PHAF1: variants seen among roughly 807,000 people sequenced by gnomAD.
The protein encoded by PHAF1 is phagosome assembly factor 1.
Under a neutral mutation model 63.1 loss-of-function variants are expected in PHAF1, and 23 were observed. The observed-to-expected ratio is 0.36, with a 90% CI of 0.26 to 0.52. The LOEUF (loss-of-function observed/expected upper bound fraction) is 0.52, where lower values mean the gene tolerates loss of function less well. PHAF1 is among the 20% of genes least tolerant of loss of function. PHAF1 has a pLI of 0.93. For missense variants in PHAF1, 427 were observed against 517.2 expected (o/e 0.83, Z 1.69); for synonymous variants, 167 against 185.0 (o/e 0.90, Z 0.79).
rs1468534638 is a variant in PHAF1 at position 67,120,013 on chromosome 16, A to G, written c.65-99A>G. On this transcript the variant is annotated intron_variant, in intron 1 of 15. Coordinates refer to ENST00000219139, the MANE Select transcript of PHAF1 (RefSeq NM_025187.5). Reference sequence around the variant, plus strand: ...CTGTAGACCTTAGTAGCCCCCAAACATCCCCAGGCTTTACTGCAGGGACCA... The same window carrying G: ...CTGTAGACCTTAGTAGCCCCCAAACGTCCCCAGGCTTTACTGCAGGGACCA... 1.8e-5 allele frequency: 17 copies of G among 947,068 alleles called. No homozygotes were observed. The East Asian group carries it at 3.6e-4, about 20-fold the overall frequency. The allele number at this position is 947,068 out of a possible 1,614,324, so 58.7% of individuals were successfully genotyped here. A position where few individuals can be genotyped will look rare whatever the true frequency, so the allele number is the denominator to read the frequency against.
chr16:67,130,916 G>A (rs1018596146), intron 3 of PHAF1, among the ~76,000 whole-genome samples: 3 of 152,150 alleles, frequency 2.0e-5, no homozygotes, highest in African/African-American at 7.2e-5. Context: ...GGGGACACTG[G>A]CTATGGTTAT....
At chr16:67,130,346 C>CTTTTT (rs34430310) in intron 3 of PHAF1, among the ~76,000 whole-genome samples, 4 of 74,986 alleles carry the variant, frequency 5.3e-5, no homozygotes, top group East Asian at 4.2e-4. Context: ...CGTGCCCGGC[C>CTTTTT]TTTTTTTTTT....
chr16:67,143,419 TCTCAA>T (rs1963879814), intron 10 of PHAF1, among the ~76,000 whole-genome samples: 1 of 152,080 alleles, frequency 6.6e-6, no homozygotes. Flanking sequence ...GCACCTGTAT[TCTCAA>T]CTCAAGGAAT....
intron 2 of PHAF1, among the ~76,000 whole-genome samples, chr16:67,120,399 G>A (rs1012442757): frequency 1.3e-5 from 2 of 152,020 alleles, no homozygotes; most frequent in East Asian, 1.9e-4. Flanking sequence ...TTGGAAGAGC[G>A]GTAGTAATTG....
At chr16:67,112,371 T>A (rs1411804132) in intron 1 of PHAF1, among the ~76,000 whole-genome samples, 1 of 130,566 alleles carries the variant, frequency 7.7e-6, no homozygotes, top group Non-Finnish European at 1.6e-5. Context: ...TAGTGAGACC[T>A]CGTTTCTACC....
At chr16:67,145,503 G>A (rs1597219674) in intron 13 of PHAF1, 67 bp from the exon 14 acceptor site, 1 of 1,611,584 alleles carries the variant, frequency 6.2e-7, no homozygotes, top group Non-Finnish European at 8.5e-7. Context: ...TGTCCTCTAG[G>A]CCAGCCATTG....
chr16:67,129,583 C>G (rs1312003774), intron 3 of PHAF1, among the ~76,000 whole-genome samples: 1 of 152,230 alleles, frequency 6.6e-6, no homozygotes, highest in Non-Finnish European at 1.5e-5. Flanking sequence ...GCCCCACAGC[C>G]TCTTCCACAA....
At chr16:67,119,502 G>C (rs991090356) in intron 1 of PHAF1, among the ~76,000 whole-genome samples, 7 of 151,336 alleles carry the variant, frequency 4.6e-5, no homozygotes, top group African/African-American at 1.5e-4. Flanking sequence ...ATGTAAAAAG[G>C]GTCCATGCAT....
chr16:67,141,912 C>T (rs1031073531), intron 10 of PHAF1, among the ~76,000 whole-genome samples: 3 of 152,180 alleles, frequency 2.0e-5, no homozygotes, highest in Admixed American at 6.5e-5. Context: ...ATGTGGAAAG[C>T]GGGGCAGGGC....
rs750344340 is a variant in PHAF1, at chr16:67,145,432, C to A, written c.1050+13C>A. On this transcript the variant is annotated intron_variant, in intron 13 of 15. Coordinates refer to ENST00000219139, the MANE Select transcript of PHAF1 (RefSeq NM_025187.5). Reference sequence around the variant, plus strand: ...GACCTACAGCAAGGTGAGCACCTATCTTCCTACCTGGCATAGCCTGAGAAT... The same window carrying A: ...GACCTACAGCAAGGTGAGCACCTATATTCCTACCTGGCATAGCCTGAGAAT... The A allele has an allele frequency of 1.2e-6, 2 of 1,614,190 alleles. No homozygotes were observed. The highest frequency in any genetic ancestry group is 2.2e-5 in the East Asian group (1 of 44,878).
rs1186830541 is a variant in PHAF1, at chr16:67,110,185, C to A, written c.10C>A (p.Leu4Met). ...CAGGCGAGCCGAACCAATGCTGGAC[C>A]TGGAGGTAGTGCCCGAACGCTCTCT... MLD[L>M]EVVPERSLGN... Residue 4 changes from leucine (L) to methionine (M), a missense_variant, in exon 1 of 16, where the codon CTG becomes ATG. Transcript: ENST00000219139. The A allele has an allele frequency of 6.4e-7, 1 of 1,552,614 alleles. No homozygotes were observed. The highest frequency in any genetic ancestry group is 1.4e-5 in the African/African-American group (1 of 73,288).
At position 67,147,447 on chromosome 16, in the gene PHAF1, GCACA is replaced by G; in HGVS notation, c.*317_*320del. 2.9e-6 allele frequency: 1 copy of G among 339,166 alleles called. No individual in the cohort carries two copies. The highest frequency in any genetic ancestry group is 5.4e-6 in the Non-Finnish European group (1 of 185,312). 21.0% of individuals were successfully genotyped at this position (339,166 alleles called of 1,614,324 possible). ...CAGGAGAGGTCAACCCTTGTCCCATGCACATTGGGAAGACTTGGGGCTCTTTCTG... is the reference window on the plus strand; with the variant it reads ...CAGGAGAGGTCAACCCTTGTCCCATGTTGGGAAGACTTGGGGCTCTTTCTG... On this transcript the variant is annotated 3_prime_UTR_variant, in exon 16 of 16. Transcript: ENST00000219139.
chr16:67,137,289 G>A (rs766373198), intron 8 of PHAF1, among the ~76,000 whole-genome samples: 1 of 152,198 alleles, frequency 6.6e-6, no homozygotes, highest in African/African-American at 2.4e-5. Context: ...ACTTAAAGGA[G>A]TGTCATGCTT....
chr16:67,143,579 G>T (rs940953865), intron 10 of PHAF1, among the ~76,000 whole-genome samples: 1 of 152,168 alleles, frequency 6.6e-6, no homozygotes, highest in Admixed American at 6.5e-5. Flanking sequence ...AACCTGCCTT[G>T]AAAGTTTGTA....
intron 3 of PHAF1, among the ~76,000 whole-genome samples, chr16:67,130,066 T>G (rs767443929): frequency 6.6e-6 from 1 of 150,402 alleles, no homozygotes; most frequent in Admixed American, 6.6e-5. Flanking sequence ...TTCTTTCTTT[T>G]GGAGGAGTCT....
rs575061237 is a variant in PHAF1, at chr16:67,117,745, G to A, written c.65-2367G>A. Among the ~76,000 whole-genome samples the A allele has an allele frequency of 2.0e-4, 30 of 150,390 alleles. No homozygotes were observed. The Middle Eastern group carries it at 0.014, about 68-fold the overall frequency. On this transcript the variant is annotated intron_variant, in intron 1 of 15. Transcript: ENST00000219139. ...ATTGCACTCCAGCCTGGACAACAGA[G>A]CGAGACTTCAGACTGCGTCTCAAAA...
At chr16:67,136,522 G>T (rs1395786273) in intron 8 of PHAF1, among the ~76,000 whole-genome samples, 3 of 145,736 alleles carry the variant, frequency 2.1e-5, no homozygotes, top group Non-Finnish European at 4.5e-5. Flanking sequence ...TCGTAAATTG[G>T]GTTCCTGCAT....
intron 12 of PHAF1, among the ~76,000 whole-genome samples, 156 bp downstream of exon 12, chr16:67,145,033 GTTC>G (rs2029921454): frequency 6.6e-6 from 1 of 152,166 alleles, no homozygotes; most frequent in South Asian, 2.1e-4. Context: ...GGGCTGCAGT[GTTC>G]TTGGTCTGAG....
At chr16:67,144,924 T>C in intron 12 of PHAF1, 47 bp downstream of exon 12, 1 of 1,586,990 alleles carries the variant, frequency 6.3e-7, no homozygotes, top group South Asian at 1.1e-5. Flanking sequence ...TTAGAGTCTG[T>C]TTTCCACTAT....
Sources: allele counts gnomAD v4.1 joint callset (sites outside exome capture counted in the v4.1 genomes callset), GRCh38; gene constraint gnomAD v4.1.1; transcripts MANE v1.5; gene names NCBI Gene and HGNC (gene_info 2026-07-23, HGNC 2026-07-21).